Variants in TUB observed in about 807,000 individuals in gnomAD.
TUB encodes TUB bipartite transcription factor, also known as tubby protein homolog.
A neutral mutation model predicts 59.7 loss-of-function variants in TUB; 33 were observed. The ratio of observed to expected loss-of-function variants is 0.55; its 90% CI spans 0.42 to 0.74. The LOEUF is 0.74. Ranked by LOEUF, TUB falls within the 30% of genes least tolerant of loss-of-function variation. The pLI, the probability that TUB is intolerant of heterozygous loss-of-function variation, is 0.00. For missense variants in TUB, 659 were observed against 672.0 expected, an observed-to-expected ratio of 0.98 and a Z score of 0.21; for synonymous variants, 293 against 256.4, an observed-to-expected ratio of 1.14 and a Z score of -1.36.
rs1337377995 is a variant in TUB at position 8,104,470 on chromosome 11, G to GCAAT, written c.*2854_*2857dup. 1 of 152,134 alleles carries GCAAT rather than the reference G, an allele frequency of 6.6e-6. No homozygotes were observed. Among genetic ancestry groups the GCAAT allele is most frequent in the African/African-American group, 2.4e-5 (1 of 41,400 alleles). 9.4% of individuals were successfully genotyped at this position (152,134 alleles called of 1,614,324 possible). On this transcript the variant is annotated 3_prime_UTR_variant, in exon 12 of 12. Transcript: ENST00000299506. ...TCTGTGTGTTTATTTGGGGAAAAGG[G>GCAAT]CAATCAGCAATCAACTGAGGTTTCT...
intron 2 of TUB, among the ~76,000 whole-genome samples, chr11:8,040,610 G>A (rs964173122): frequency 4.6e-5 from 7 of 152,174 alleles, no homozygotes; most frequent in Admixed American, 6.5e-5. Flanking sequence ...CTCAAACCAG[G>A]TTGACTTTTT....
chr11:8,060,482 G>A (rs1387346344), intron 2 of TUB, among the ~76,000 whole-genome samples: 1 of 152,184 alleles, frequency 6.6e-6, no homozygotes, highest in Admixed American at 6.5e-5. Context: ...CCAACTTGCT[G>A]TGTGACCTTT....
In TUB at chr11:8,082,096, A is replaced by G. The variant is rs550977920; in HGVS notation, c.38+548A>G. 2.0e-5 allele frequency among the ~76,000 whole-genome samples: 3 copies of G among 152,338 alleles called. No individual in the cohort carries two copies. In the South Asian group the frequency reaches 6.2e-4, roughly 32 times the overall value. The stretch of plus-strand genomic sequence containing the variant: ...TGGGCTCACAAAGACACATGCCTGC[A>G]TATCTGTGCACGTCCACCTCCTGTA... On this transcript the variant is annotated intron_variant, in intron 1 of 11. Coordinates refer to ENST00000299506, the MANE Select transcript of TUB (RefSeq NM_177972.3).
chr11:8,073,602 G>C (rs1943395020), intron 2 of TUB, among the ~76,000 whole-genome samples: 1 of 152,186 alleles, frequency 6.6e-6, no homozygotes, highest in African/African-American at 2.4e-5. Flanking sequence ...GCTCTCTCCC[G>C]CTCTTCCTGA....
At chr11:8,063,141 G>C (rs1943166297) in intron 2 of TUB, among the ~76,000 whole-genome samples, 1 of 152,164 alleles carries the variant, frequency 6.6e-6, no homozygotes, top group Non-Finnish European at 1.5e-5. Flanking sequence ...AGCAGCCCCT[G>C]TCCAGCCACG....
chr11:8,099,932 G>A (rs1944190875), intron 9 of TUB, among the ~76,000 whole-genome samples: 1 of 152,228 alleles, frequency 6.6e-6, no homozygotes. Context: ...GGGGCCACGT[G>A]CAGGTGAAGT....
At chr11:8,061,262 C>T (rs374457478) in intron 2 of TUB, among the ~76,000 whole-genome samples, 130 of 152,352 alleles carry the variant, frequency 8.5e-4, no homozygotes, top group South Asian at 1.2e-3. Context: ...AGTGTCCTGG[C>T]TTCCCTTCAG....
intron 2 of TUB, chr11:8,062,253 G>GGGGCCGC (rs928463656): frequency 0.2 from 2 of 10 alleles, no homozygotes; most frequent in African/African-American, 0.33. Context: ...CTGGGCAGGT[G>GGGGCCGC]GGGGCCGCGG....
chr11:8,074,257 AG>A (rs1471561398), intron 2 of TUB, among the ~76,000 whole-genome samples: 3 of 152,032 alleles, frequency 2.0e-5, no homozygotes, highest in Non-Finnish European at 2.9e-5. Flanking sequence ...ACCTGGAAGA[AG>A]GGGCCACCTG....
intron 4 of TUB, among the ~76,000 whole-genome samples, chr11:8,095,246 C>T (rs973506436): frequency 1.3e-5 from 2 of 152,250 alleles, no homozygotes; most frequent in Non-Finnish European, 1.5e-5. Flanking sequence ...GCTTTAAGGA[C>T]GTGAGGTGTT....
chr11:8,022,366 A>G (rs553502305), intron 1 of TUB, among the ~76,000 whole-genome samples: 10 of 152,214 alleles, frequency 6.6e-5, no homozygotes, highest in African/African-American at 1.4e-4. Flanking sequence ...TCCTAACTCT[A>G]TAAGGAACCA....
rs1235876844 is a variant in TUB, at chr11:8,102,655, A to C, written c.*1036A>C. On this transcript the variant is annotated 3_prime_UTR_variant, in exon 12 of 12. Transcript: ENST00000299506. ...CTTTCTCACTGCTGTCAGCCAAGTC[A>C]TGGTTGGTAACCATGTAGGTTCTTG... The C allele has an allele frequency of 6.6e-6, 1 of 152,234 alleles. No individual in the cohort carries two copies. Among genetic ancestry groups the C allele is most frequent in the Non-Finnish European group, 1.5e-5 (1 of 68,056 alleles). The allele number at this position is 152,234 out of a possible 1,614,324, so 9.4% of individuals were successfully genotyped here. A position where few individuals can be genotyped will look rare whatever the true frequency, so the allele number is the denominator to read the frequency against.
intron 1 of TUB, chr11:8,039,385 C>A (rs1012789819): frequency 3.7e-5 from 17 of 457,422 alleles, no homozygotes; most frequent in Admixed American, 3.1e-4. Context: ...CCCCACCCCC[C>A]AGTGCTTCAT....
upstream of TUB, chr11:8,077,795 T>A (rs7944325): frequency 6.6e-6 from 1 of 152,080 alleles, no homozygotes; most frequent in Non-Finnish European, 1.5e-5. Flanking sequence ...TTTCTTCCTA[T>A]CTCCCTTGCC....
intron 4 of TUB, among the ~76,000 whole-genome samples, chr11:8,095,211 T>C (rs1035920117): frequency 5.3e-5 from 8 of 152,132 alleles, no homozygotes; most frequent in African/African-American, 1.9e-4. Flanking sequence ...CACTGTGCAG[T>C]TGGTTTTGTA....
chr11:8,088,498 GCA>G (rs1320170236), intron 1 of TUB, among the ~76,000 whole-genome samples: 1 of 152,216 alleles, frequency 6.6e-6, no homozygotes, highest in South Asian at 2.1e-4. Flanking sequence ...ATGCACATGT[GCA>G]CACACATGAG....
In TUB at chr11:8,101,514, G is replaced by A. The variant is rs1564928438; in HGVS notation, c.1416G>A (p.Arg472=). 2 of 1,614,106 alleles carry A rather than the reference G, an allele frequency of 1.2e-6. No homozygotes were observed. Among genetic ancestry groups the A allele is most frequent in the Middle Eastern group, 1.6e-4 (1 of 6,084 alleles). The change falls in exon 12 of 12, where the codon CGG becomes CGA. Residue 472 remains arginine (R), a synonymous_variant. Coordinates refer to ENST00000299506, the MANE Select transcript of TUB (RefSeq NM_177972.3). The part of the protein sequence containing the change: ...DPDYIVMQFG[R]VAEDVFTMDY... ...ACTACATCGTGATGCAGTTTGGCCGGGTAGCAGAGGATGTGTTCACCATGG... is the reference window on the plus strand; with the variant it reads ...ACTACATCGTGATGCAGTTTGGCCGAGTAGCAGAGGATGTGTTCACCATGG...
intron 2 of TUB, among the ~76,000 whole-genome samples, chr11:8,044,330 A>C (rs1942796197): frequency 6.6e-6 from 1 of 152,184 alleles, no homozygotes; most frequent in Non-Finnish European, 1.5e-5. Flanking sequence ...GTCTAATTCC[A>C]TGAAGTATAT....
chr11:8,052,089 G>C (rs1942942818), intron 2 of TUB, among the ~76,000 whole-genome samples: 2 of 152,190 alleles, frequency 1.3e-5, no homozygotes, highest in South Asian at 2.1e-4. Flanking sequence ...ATTTATTGGA[G>C]ATTCATAGCA....
Sources: gnomAD v4.1 joint callset for allele counts (sites outside exome capture counted in the v4.1 genomes callset) on GRCh38, gnomAD v4.1.1 for gene constraint, MANE v1.5 for transcripts, NCBI Gene and HGNC (gene_info 2026-07-23, HGNC 2026-07-21) for gene names.